Variants in SHTN1 observed in about 807,000 individuals in gnomAD.
SHTN1 encodes shootin-1.
SHTN1 carries 42 observed loss-of-function variants against 83.1 expected under a neutral mutation model. The observed-to-expected ratio is 0.51, with a 90% CI of 0.39 to 0.65. The LOEUF (loss-of-function observed/expected upper bound fraction) is 0.65. SHTN1 is among the 30% of genes least tolerant of loss of function. The probability of loss-of-function intolerance (pLI) is 0.00; values close to 1 mark genes in which losing one functional copy is unlikely to be tolerated. For missense variants in SHTN1, 622 were observed against 737.8 expected (o/e 0.84, Z 1.82); for synonymous variants, 224 against 247.7 (o/e 0.90, Z 0.90).
At chr10:116,975,509 G>A (rs750465249) in intron 2 of SHTN1, among the ~76,000 whole-genome samples, 20 of 152,014 alleles carry the variant, frequency 1.3e-4, no homozygotes, top group Non-Finnish European at 2.8e-4. Context: ...TCATTAGAGT[G>A]GTTTTACTCA....
intron 7 of SHTN1, among the ~76,000 whole-genome samples, chr10:116,946,437 A>AATGTATAAATTATGTAT (rs1849580802): frequency 6.8e-6 from 1 of 146,074 alleles, no homozygotes; most frequent in African/African-American, 2.5e-5. Context: ...AATGTAAATA[A>AATGTATAAATTATGTAT]ATGTATAAAT....
chr10:116,950,513 T>C (rs1849738678), intron 6 of SHTN1, among the ~76,000 whole-genome samples: 1 of 152,140 alleles, frequency 6.6e-6, no homozygotes, highest in South Asian at 2.1e-4. Context: ...GAAATAGCCA[T>C]AATAAAAATA....
At chr10:117,096,890 C>T (rs1853509344) in intron 1 of SHTN1, among the ~76,000 whole-genome samples, 1 of 152,202 alleles carries the variant, frequency 6.6e-6, no homozygotes, top group Admixed American at 6.5e-5. Context: ...GCCAAGCATT[C>T]CAACACATTT....
At chr10:116,899,800 T>G (rs1016948100) in intron 16 of SHTN1, among the ~76,000 whole-genome samples, 12 of 152,210 alleles carry the variant, frequency 7.9e-5, no homozygotes, top group Non-Finnish European at 1.8e-4. Context: ...AGGCCAAGTC[T>G]ATAAAGTAAG....
chr10:116,927,096 A>T (rs1398859190), intron 11 of SHTN1, among the ~76,000 whole-genome samples: 1 of 152,240 alleles, frequency 6.6e-6, no homozygotes, highest in Non-Finnish European at 1.5e-5. Flanking sequence ...TAATACTTCT[A>T]GTTTAATTAC....
At chr10:117,120,452 A>C (rs891178608) in intron 1 of SHTN1, among the ~76,000 whole-genome samples, 1 of 151,860 alleles carries the variant, frequency 6.6e-6, no homozygotes, top group Non-Finnish European at 1.5e-5. Context: ...GTTTTACCAT[A>C]TTGGCCAGGC....
At chr10:117,053,019 C>CAAAAAA (rs57069034) in intron 1 of SHTN1, among the ~76,000 whole-genome samples, 1 of 11,450 alleles carries the variant, frequency 8.7e-5, no homozygotes, top group African/African-American at 1.2e-4. Context: ...GACTGTGTCT[C>CAAAAAA]AAAAAAAAAA....
chr10:117,111,199 A>G (rs1362793841), intron 1 of SHTN1, among the ~76,000 whole-genome samples: 2 of 152,052 alleles, frequency 1.3e-5, no homozygotes, highest in East Asian at 3.9e-4. Flanking sequence ...CCCTGTCTCA[A>G]AAAAACAGAA....
chr10:116,955,753 TAAGA>T (rs1849959589), intron 4 of SHTN1, among the ~76,000 whole-genome samples: 1 of 152,160 alleles, frequency 6.6e-6, no homozygotes, highest in Non-Finnish European at 1.5e-5. Context: ...GAAGAATCTC[TAAGA>T]AATGGTTATG....
At chr10:116,954,366 T>C (rs1290538149) in intron 4 of SHTN1, among the ~76,000 whole-genome samples, 156 bp from the exon 5 acceptor site, 1 of 152,166 alleles carries the variant, frequency 6.6e-6, no homozygotes, top group Non-Finnish European at 1.5e-5. Flanking sequence ...TAAGGTTTTA[T>C]ATTAAATTTA....
At chr10:117,025,033 CA>C (rs776684175) in intron 2 of SHTN1, among the ~76,000 whole-genome samples, 2 of 152,168 alleles carry the variant, frequency 1.3e-5, no homozygotes, top group Non-Finnish European at 2.9e-5. Context: ...GAGAAGACTC[CA>C]CTGATAGTTG....
At position 116,919,105 on chromosome 10, in the gene SHTN1, C is replaced by T. The variant is rs564274352; in HGVS notation, c.1195+2329G>A. Among the ~76,000 whole-genome samples the T allele has an allele frequency of 3.9e-5, 6 of 152,264 alleles. No homozygotes were observed. The East Asian group carries it at 1.2e-3, about 29-fold the overall frequency. Reference sequence around the variant, plus strand: ...TAAGATGCTAACCTAAGAAAGAAAACACAGTGAATGTGAGACCAGTCACTA... The same window carrying T: ...TAAGATGCTAACCTAAGAAAGAAAATACAGTGAATGTGAGACCAGTCACTA... On this transcript the variant is annotated intron_variant, in intron 12 of 16. Coordinates refer to ENST00000355371, the MANE Select transcript of SHTN1 (RefSeq NM_001127211.3).
At chr10:117,096,206 TTAAAA>T (rs1407911998) in intron 1 of SHTN1, among the ~76,000 whole-genome samples, 1 of 152,204 alleles carries the variant, frequency 6.6e-6, no homozygotes, top group Non-Finnish European at 1.5e-5. Flanking sequence ...GTTATTGTGC[TTAAAA>T]TAAAACAAAA....
intron 1 of SHTN1, among the ~76,000 whole-genome samples, chr10:116,991,055 G>A (rs193170706): frequency 5.9e-5 from 9 of 152,168 alleles, no homozygotes; most frequent in Admixed American, 1.3e-4. Context: ...GCGCGGTGGT[G>A]GGCGCCTGTA....
intron 1 of SHTN1, among the ~76,000 whole-genome samples, chr10:116,984,115 A>G (rs1011042377): frequency 2.0e-5 from 3 of 152,110 alleles, no homozygotes; most frequent in Non-Finnish European, 4.4e-5. Flanking sequence ...TTTAGCGCTG[A>G]AAGTTCAGCA....
At chr10:117,061,479 T>C (rs543287335) in intron 1 of SHTN1, among the ~76,000 whole-genome samples, 1 of 151,094 alleles carries the variant, frequency 6.6e-6, no homozygotes, top group East Asian at 1.9e-4. Flanking sequence ...TTTCTTTTTC[T>C]TTTTTTTGAA....
Position 116,881,533 on chromosome 10 carries a change from CTTT to C in SHTN1, c.*4808_*4810del. 2 of 1,543,152 alleles carry C rather than the reference CTTT, an allele frequency of 1.3e-6. No homozygotes were observed. The highest frequency in any genetic ancestry group is 2.8e-5 in the African/African-American group (2 of 72,640). On this transcript the variant is annotated 3_prime_UTR_variant, in exon 17 of 17. Transcript: ENST00000355371. ...TAAATAGGTTTCAAAGAAGAACACA[CTTT>C]TTTTTACTTTAATGAGGAAGCTGAA...
intron 1 of SHTN1, among the ~76,000 whole-genome samples, chr10:117,061,871 C>T (rs1278183047): frequency 6.6e-6 from 1 of 152,194 alleles, no homozygotes; most frequent in African/African-American, 2.4e-5. Context: ...ACATTCCATG[C>T]TATGTTTTAA....
Position 117,034,034 on chromosome 10 carries a change from T to G in SHTN1, c.-123+14411A>C, listed in dbSNP as rs1384230999. ...ATAGAAGGAACATACCTCAACATAA[T>G]AAAAGCCATATGTGACTTTCATATG... On this transcript the variant is annotated intron_variant, in intron 2 of 17. Transcript: ENST00000392901. 8.6e-5 allele frequency among the ~76,000 whole-genome samples: 13 copies of G among 151,400 alleles called. No homozygotes were observed. In the East Asian group the frequency reaches 2.3e-3, roughly 27 times the overall value.
Sources: gnomAD v4.1 joint callset for allele counts (sites outside exome capture counted in the v4.1 genomes callset) on GRCh38, gnomAD v4.1.1 for gene constraint, MANE v1.5 for transcripts, NCBI Gene and HGNC (gene_info 2026-07-23, HGNC 2026-07-21) for gene names.